SEC24B: variants seen among roughly 807,000 people sequenced by gnomAD.
SEC24B encodes the protein protein transport protein Sec24B.
SEC24B carries 45 observed loss-of-function variants against 142.8 expected under a neutral mutation model. That is an observed-to-expected ratio of 0.32 (90% confidence interval 0.25 to 0.40). The LOEUF (loss-of-function observed/expected upper bound fraction) is 0.40, where lower values mean the gene tolerates loss of function less well. Among genes scored for constraint, SEC24B ranks in the 10% least tolerant of loss-of-function variants. The pLI is 1.00. For missense variants in SEC24B, 1,409 were observed against 1,526.8 expected (o/e 0.92, Z 1.29); for synonymous variants, 574 against 568.2 (o/e 1.01, Z -0.15).
At chr4:109,476,496 T>C (rs967756893) in intron 3 of SEC24B, among the ~76,000 whole-genome samples, 1 of 128,986 alleles carries the variant, frequency 7.8e-6, no homozygotes, top group Non-Finnish European at 1.5e-5. Flanking sequence ...TCATTCTTAG[T>C]TTTTATTTTC....
At chr4:109,479,278 TTATGA>T (rs945494816) in intron 3 of SEC24B, among the ~76,000 whole-genome samples, 1 of 152,148 alleles carries the variant, frequency 6.6e-6, no homozygotes, top group African/African-American at 2.4e-5. Context: ...ATAGAATAAA[TTATGA>T]TATAACATTC....
In SEC24B at chr4:109,463,238, T is replaced by A. The variant is rs1731486874; in HGVS notation, c.471T>A (p.Asn157Lys). ...SASQPYSSFV[N>K]HYNSPAMYSA... Reference sequence around the variant, plus strand: ...CCCAACCATACTCCTCTTTTGTGAATCACTACAATAGTCCAGCCATGTACT... The same window carrying A: ...CCCAACCATACTCCTCTTTTGTGAAACACTACAATAGTCCAGCCATGTACT... The change falls in exon 2 of 24, where the codon AAT (asparagine) becomes AAA (lysine). Residue 157 changes from asparagine to lysine, a missense_variant. Physicochemically the swap from Asn to Lys is moderately conservative, Grantham distance 94. Coordinates refer to ENST00000265175, the MANE Select transcript of SEC24B (RefSeq NM_006323.5). The A allele has an allele frequency of 1.2e-6, 2 of 1,614,142 alleles. No homozygotes were observed. Among genetic ancestry groups the A allele is most frequent in the African/African-American group, 2.7e-5 (2 of 75,054 alleles).
At chr4:109,504,311 C>T (rs1437050946) in intron 6 of SEC24B, among the ~76,000 whole-genome samples, 6 of 152,100 alleles carry the variant, frequency 3.9e-5, no homozygotes, top group Admixed American at 3.9e-4. Context: ...TCAAAAATGC[C>T]TTTGTATACT....
At chr4:109,469,863 C>T (rs1483238700) in intron 2 of SEC24B, among the ~76,000 whole-genome samples, 1 of 151,866 alleles carries the variant, frequency 6.6e-6, no homozygotes, top group Non-Finnish European at 1.5e-5. Context: ...ACATAAGCTG[C>T]GAACTGGGAA....
chr4:109,454,585 G>C (rs1199491293), intron 1 of SEC24B, among the ~76,000 whole-genome samples: 1 of 151,698 alleles, frequency 6.6e-6, no homozygotes, highest in African/African-American at 2.4e-5. Flanking sequence ...CAAAATGAAG[G>C]CCTCAGAAGT....
At chr4:109,478,127 TA>T (rs937762427) in intron 3 of SEC24B, among the ~76,000 whole-genome samples, 2 of 150,938 alleles carry the variant, frequency 1.3e-5, no homozygotes, top group East Asian at 1.9e-4. Context: ...ACCAAAAATG[TA>T]AAAAAAAATT....
At chr4:109,470,018 G>A (rs1732349326) in intron 2 of SEC24B, among the ~76,000 whole-genome samples, 1 of 152,122 alleles carries the variant, frequency 6.6e-6, no homozygotes, top group African/African-American at 2.4e-5. Flanking sequence ...TTAATAAACA[G>A]TGAAAAGCAA....
At chr4:109,492,068 A>G (rs1269866535) in intron 5 of SEC24B, among the ~76,000 whole-genome samples, 2 of 152,084 alleles carry the variant, frequency 1.3e-5, no homozygotes, top group African/African-American at 4.8e-5. Context: ...TAACAGAAAA[A>G]GCAGTTTTGC....
At chr4:109,489,212 T>C (rs577653934) in intron 4 of SEC24B, among the ~76,000 whole-genome samples, 1 of 152,212 alleles carries the variant, frequency 6.6e-6, no homozygotes, top group East Asian at 1.9e-4. Flanking sequence ...TCTAAGAGTT[T>C]TATAGTTTTA....
Position 109,467,931 on chromosome 4 carries a change from T to C in SEC24B, c.877+4287T>C, listed in dbSNP as rs77945338. ...TTATATAATTCTTCACAGTTGATCT[T>C]AGCCAAAAGGCCGAGAAGCGGTATA... On this transcript the variant is annotated intron_variant, in intron 2 of 23. Transcript: ENST00000265175. 7.9e-3 allele frequency among the ~76,000 whole-genome samples: 1,202 copies of C among 152,292 alleles called. 10 individuals are homozygous for C. Among genetic ancestry groups the C allele is most frequent in the Middle Eastern group, 0.044 (13 of 294 alleles).
intron 22 of SEC24B, among the ~76,000 whole-genome samples, chr4:109,536,863 A>G (rs1288667837): frequency 6.6e-6 from 1 of 151,848 alleles, no homozygotes; most frequent in African/African-American, 2.4e-5. Context: ...TAGAATGGGT[A>G]ACGCCTTTGT....
chr4:109,473,659 C>G (rs1416471662), intron 3 of SEC24B, among the ~76,000 whole-genome samples: 1 of 152,166 alleles, frequency 6.6e-6, no homozygotes. Flanking sequence ...CATACTCTTG[C>G]GTCATTGAAG....
At chr4:109,453,938 A>G (rs1730402884) in intron 1 of SEC24B, among the ~76,000 whole-genome samples, 2 of 152,040 alleles carry the variant, frequency 1.3e-5, no homozygotes, top group Admixed American at 6.5e-5. Context: ...GCTCACTGCA[A>G]CCTCCACCTC....
Position 109,521,629 on chromosome 4 carries a change from A to T in SEC24B, c.2508+3A>T. Reference sequence around the variant, plus strand: ...CTAATCAGAGATCAAGTACAAAGGTATTTTATGTTTAGTTTTTTGTCATAT... The same window carrying T: ...CTAATCAGAGATCAAGTACAAAGGTTTTTTATGTTTAGTTTTTTGTCATAT... On this transcript the variant is annotated splice_donor_region_variant and intron_variant, in intron 14 of 23. Coordinates refer to ENST00000265175, the MANE Select transcript of SEC24B (RefSeq NM_006323.5). 3 of 1,596,588 alleles carry T rather than the reference A, an allele frequency of 1.9e-6. No individual in the cohort carries two copies. Among genetic ancestry groups the T allele is most frequent in the Non-Finnish European group, 2.6e-6 (3 of 1,166,868 alleles).
chr4:109,513,904 C>A lies in SEC24B; in HGVS notation c.2013+48C>A. The A allele has an allele frequency of 2.5e-6, 3 of 1,220,446 alleles. No individual in the cohort carries two copies. In the South Asian group the frequency reaches 3.7e-5, roughly 15 times the overall value. 75.6% of individuals were successfully genotyped at this position (1,220,446 alleles called of 1,614,324 possible). A position where few individuals can be genotyped will look rare whatever the true frequency, so the allele number is the denominator to read the frequency against. On this transcript the variant is annotated intron_variant, in intron 10 of 23. Transcript: ENST00000265175. ...TGTTATGGAACACAATTACATTGGT[C>A]ATTTGTAATTTTCTGTTAAGTGAAC...
chr4:109,441,453 CAG>C (rs781622903), intron 1 of SEC24B, among the ~76,000 whole-genome samples: 11 of 152,176 alleles, frequency 7.2e-5, no homozygotes, highest in African/African-American at 1.2e-4. Context: ...TATTTTGAGA[CAG>C]GGCCTCACTT....
intron 6 of SEC24B, among the ~76,000 whole-genome samples, chr4:109,503,302 C>T (rs1736355186): frequency 6.6e-6 from 1 of 151,746 alleles, no homozygotes; most frequent in Non-Finnish European, 1.5e-5. Context: ...CGGCTCACTG[C>T]AACCTCTGCC....
At chr4:109,464,212 A>G (rs1400213373) in intron 2 of SEC24B, among the ~76,000 whole-genome samples, 1 of 152,138 alleles carries the variant, frequency 6.6e-6, no homozygotes, top group East Asian at 1.9e-4. Flanking sequence ...ATACCCTGGT[A>G]TTCAGCCCTT....
intron 1 of SEC24B, among the ~76,000 whole-genome samples, chr4:109,450,495 T>C (rs1027261514): frequency 1.3e-5 from 2 of 151,492 alleles, no homozygotes; most frequent in African/African-American, 4.9e-5. Flanking sequence ...CCATCTCTAC[T>C]AAAAATACAA....
Sources: allele counts gnomAD v4.1 joint callset (sites outside exome capture counted in the v4.1 genomes callset), GRCh38; gene constraint gnomAD v4.1.1; transcripts MANE v1.5; gene names NCBI Gene and HGNC (gene_info 2026-07-23, HGNC 2026-07-21).